DGKB: variants seen among roughly 807,000 people sequenced by gnomAD.
DGKB encodes the protein diacylglycerol kinase beta, also known as 90 kDa diacylglycerol kinase.
In DGKB, 67 loss-of-function variants were observed where a neutral mutation model predicts 114.3. That is an observed-to-expected ratio of 0.59 (90% CI 0.48 to 0.72). The LOEUF (loss-of-function observed/expected upper bound fraction) is 0.72. Among genes scored for constraint, DGKB ranks in the 30% least tolerant of loss-of-function variants. The pLI, the probability that DGKB is intolerant of heterozygous loss-of-function variation, is 0.00. For missense variants in DGKB, 907 were observed against 975.2 expected (o/e 0.93, Z 0.93); for synonymous variants, 398 against 323.1 (o/e 1.23, Z -2.49).
chr7:14,397,192 A>G (rs2357958), intron 21 of DGKB, among the ~76,000 whole-genome samples: 92,198 of 151,858 alleles, frequency 0.61, 29,673 homozygotes, highest in Middle Eastern at 0.75. Context: ...ATTAGTATGA[A>G]TAATTGTGTT....
At chr7:14,254,522 C>G (rs1795686136) in intron 23 of DGKB, among the ~76,000 whole-genome samples, 1 of 152,022 alleles carries the variant, frequency 6.6e-6, no homozygotes, top group Non-Finnish European at 1.5e-5. Context: ...GTTACATCAC[C>G]CAGCAACCCT....
intron 17 of DGKB, among the ~76,000 whole-genome samples, chr7:14,604,017 G>A (rs767936936): frequency 3.9e-5 from 6 of 152,060 alleles, no homozygotes; most frequent in Non-Finnish European, 7.4e-5. Flanking sequence ...TGTAGTGAAG[G>A]AAAACATATT....
intron 1 of DGKB, among the ~76,000 whole-genome samples, chr7:14,915,019 C>G (rs969504426): frequency 6.6e-6 from 1 of 151,854 alleles, no homozygotes; most frequent in African/African-American, 2.4e-5. Flanking sequence ...ACAGACTAAC[C>G]AAGAATTATG....
intron 23 of DGKB, among the ~76,000 whole-genome samples, chr7:14,232,440 A>G (rs1792056275): frequency 6.6e-6 from 1 of 150,724 alleles, no homozygotes; most frequent in South Asian, 2.1e-4. Flanking sequence ...TATTATTACT[A>G]TTATTATTAT....
At chr7:14,343,198 C>CACACACA (rs1320061315) in intron 22 of DGKB, among the ~76,000 whole-genome samples, 8 of 149,170 alleles carry the variant, frequency 5.4e-5, no homozygotes, top group Non-Finnish European at 8.9e-5. Context: ...CACACACACA[C>CACACACA]AACAAGATAT....
At chr7:14,467,743 C>T (rs1780684214) in intron 21 of DGKB, among the ~76,000 whole-genome samples, 2 of 152,024 alleles carry the variant, frequency 1.3e-5, no homozygotes, top group South Asian at 2.1e-4. Flanking sequence ...TAATGTTGAA[C>T]ATTTTCACAT....
intron 1 of DGKB, among the ~76,000 whole-genome samples, chr7:14,945,783 T>G (rs1282712395): frequency 6.6e-6 from 1 of 151,742 alleles, no homozygotes; most frequent in Non-Finnish European, 1.5e-5. Flanking sequence ...TTATGTTTAT[T>G]TATTGTACTT....
intron 23 of DGKB, among the ~76,000 whole-genome samples, chr7:14,232,486 C>G (rs1290637608): frequency 6.6e-6 from 1 of 151,428 alleles, no homozygotes; most frequent in Non-Finnish European, 1.5e-5. Flanking sequence ...GGCCATATGA[C>G]CATGCATTTG....
chr7:14,479,130 C>A (rs1782624525), intron 20 of DGKB, among the ~76,000 whole-genome samples: 1 of 152,040 alleles, frequency 6.6e-6, no homozygotes, highest in Non-Finnish European at 1.5e-5. Context: ...CCAGTCATCT[C>A]AACAGAAAAG....
At chr7:14,617,489 C>G (rs1806764395) in intron 15 of DGKB, among the ~76,000 whole-genome samples, 1 of 151,502 alleles carries the variant, frequency 6.6e-6, no homozygotes, top group Admixed American at 6.6e-5. Context: ...GTCTTATAAC[C>G]CCTGAATAAC....
chr7:14,641,242 GATTT>G (rs1811723530), intron 13 of DGKB, among the ~76,000 whole-genome samples: 1 of 23,350 alleles, frequency 4.3e-5, no homozygotes, highest in Non-Finnish European at 1.2e-4. Context: ...ACAATATAGG[GATTT>G]GGTTTACAAT....
At chr7:14,409,313 C>G (rs12699615) in intron 21 of DGKB, among the ~76,000 whole-genome samples, 114,090 of 151,822 alleles carry the variant, frequency 0.75, 43,467 homozygotes, top group Middle Eastern at 0.83. Flanking sequence ...TCGTGTTTAG[C>G]GCAATACCAT....
chr7:14,791,656 A>G (rs1029108860), intron 2 of DGKB, among the ~76,000 whole-genome samples: 1 of 152,128 alleles, frequency 6.6e-6, no homozygotes, highest in African/African-American at 2.4e-5. Context: ...ATTTTGTCAG[A>G]TACATTTTCT....
intron 21 of DGKB, among the ~76,000 whole-genome samples, chr7:14,454,638 G>A (rs910073995): frequency 6.6e-6 from 1 of 151,910 alleles, no homozygotes; most frequent in Non-Finnish European, 1.5e-5. Context: ...AAATAATAAA[G>A]CTTTCAATGA....
At chr7:14,590,171 A>G (rs918921778) in intron 17 of DGKB, among the ~76,000 whole-genome samples, 3 of 151,846 alleles carry the variant, frequency 2.0e-5, no homozygotes, top group African/African-American at 7.3e-5. Context: ...AATAAAAAAA[A>G]AAACATTAAA....
intron 1 of DGKB, among the ~76,000 whole-genome samples, chr7:14,944,305 G>A (rs1785740153): frequency 6.6e-6 from 1 of 151,926 alleles, no homozygotes; most frequent in Middle Eastern, 3.4e-3. Context: ...CCAATAGCAA[G>A]TAATAGAATT....
chr7:14,279,632 C>G (rs1033126029), intron 23 of DGKB, among the ~76,000 whole-genome samples: 1 of 151,892 alleles, frequency 6.6e-6, no homozygotes, highest in Admixed American at 6.5e-5. Context: ...CGCTGTTAGT[C>G]TGATGGGCTT....
Position 14,248,205 on chromosome 7 carries a change from A to G in DGKB, c.2123-70054T>C, listed in dbSNP as rs149019198. 2.6e-3 allele frequency among the ~76,000 whole-genome samples: 401 copies of G among 152,214 alleles called. 1 individual carries two copies. Among genetic ancestry groups the G allele is most frequent in the African/African-American group, 9.2e-3 (384 of 41,568 alleles). ...GGGCTATTTTGTTTCATTGGTTGAC[A>G]TGTCTGTTTTTATGCCAGTACTATA... On this transcript the variant is annotated intron_variant, in intron 23 of 25. Transcript: ENST00000402815.
intron 13 of DGKB, among the ~76,000 whole-genome samples, chr7:14,640,345 C>G (rs1046605598): frequency 6.6e-6 from 1 of 151,894 alleles, no homozygotes; most frequent in Non-Finnish European, 1.5e-5. Context: ...TTGGGTGGCT[C>G]AAGGATGTTG....
Sources: gnomAD v4.1 joint callset for allele counts (sites outside exome capture counted in the v4.1 genomes callset) on GRCh38, gnomAD v4.1.1 for gene constraint, MANE v1.5 for transcripts, NCBI Gene and HGNC (gene_info 2026-07-23, HGNC 2026-07-21) for gene names.